The following LOC400499 variants were observed in gnomAD, a reference collection of about 807,000 sequenced individuals.
At chr16:11,416,621 T>C in the LOC400499 span, among the ~76,000 whole-genome samples, 12 of 152,264 alleles carry the variant, frequency 7.9e-5, no homozygotes, top group African/African-American at 2.4e-4. Flanking sequence ...GGTATTTGTA[T>C]GCTACACAGT....
the LOC400499 span, chr16:11,521,987 G>C: frequency 2.5e-6 from 1 of 399,374 alleles, no homozygotes; most frequent in Non-Finnish European, 4.4e-6. Context: ...AGCACATCAA[G>C]GACAGCCAAG....
chr16:11,408,234 C>T, the LOC400499 span, among the ~76,000 whole-genome samples: 24 of 152,220 alleles, frequency 1.6e-4, no homozygotes, highest in African/African-American at 3.4e-4. Flanking sequence ...CTGCCCACCT[C>T]GGCCTCCCAA....
At chr16:11,404,683 T>A in the LOC400499 span, 1 of 399,090 alleles carries the variant, frequency 2.5e-6, no homozygotes, top group East Asian at 3.6e-5. Context: ...CACCCCTGCC[T>A]GCAGCCCCTC....
the LOC400499 span, among the ~76,000 whole-genome samples, chr16:11,482,638 C>T: frequency 6.6e-6 from 1 of 152,054 alleles, no homozygotes; most frequent in Non-Finnish European, 1.5e-5. Context: ...CACCTGTAAT[C>T]CCAGCACTTT....
At chr16:11,411,247 T>C in the LOC400499 span, 1 of 399,352 alleles carries the variant, frequency 2.5e-6, no homozygotes, top group Non-Finnish European at 4.4e-6. Flanking sequence ...CACAGTTACC[T>C]TAGCTGAGGC....
At chr16:11,401,292 T>A in the LOC400499 span, 6 of 398,930 alleles carry the variant, frequency 1.5e-5, no homozygotes, top group African/African-American at 1.0e-4. Context: ...CCACCCCTGC[T>A]CTCAGCAAGG....
the LOC400499 span, chr16:11,424,092 G>A: frequency 7.5e-6 from 3 of 399,336 alleles, no homozygotes; most frequent in Non-Finnish European, 1.3e-5. Context: ...CCCGGGTGCA[G>A]CCCCCTCCTC....
At chr16:11,483,994 CTTTTTTTTTTTTTTTTTT>C in the LOC400499 span, among the ~76,000 whole-genome samples, 1 of 34,828 alleles carries the variant, frequency 2.9e-5, no homozygotes, top group South Asian at 1.8e-3. Flanking sequence ...GAGGAAGGGA[CTTTTTTTTTTTTTTTTTT>C]TTTTTTTTTT....
At chr16:11,444,181 G>A in the LOC400499 span, among the ~76,000 whole-genome samples, 8 of 152,134 alleles carry the variant, frequency 5.3e-5, no homozygotes, top group East Asian at 7.7e-4. Context: ...AGGATCCCCT[G>A]AATCCAAGAG....
the LOC400499 span, among the ~76,000 whole-genome samples, chr16:11,430,761 C>T: frequency 1.3e-5 from 2 of 152,186 alleles, no homozygotes; most frequent in Non-Finnish European, 2.9e-5. Context: ...ACTCTCCCTC[C>T]TGGAGATATA....
At chr16:11,423,952 C>CCT in the LOC400499 span, among the ~76,000 whole-genome samples, 1 of 152,234 alleles carries the variant, frequency 6.6e-6, no homozygotes, top group African/African-American at 2.4e-5. Flanking sequence ...CCTCTGCCTT[C>CCT]CTCTCCAGGG....
chr16:11,481,632 T>A, the LOC400499 span, among the ~76,000 whole-genome samples: 1 of 150,350 alleles, frequency 6.7e-6, no homozygotes, highest in South Asian at 2.1e-4. Context: ...CCTATTTTAT[T>A]TTTTATTTTT....
the LOC400499 span, among the ~76,000 whole-genome samples, chr16:11,495,527 C>T: frequency 6.6e-6 from 1 of 152,062 alleles, no homozygotes; most frequent in Non-Finnish European, 1.5e-5. Context: ...ATTACAGACA[C>T]GTGCCACCAC....
At chr16:11,424,409 GC>G in the LOC400499 span, 3 of 399,002 alleles carry the variant, frequency 7.5e-6, no homozygotes, top group Non-Finnish European at 1.3e-5. Context: ...CCAGTCCACC[GC>G]ATTTAGTCAG....
the LOC400499 span, chr16:11,384,877 C>T: frequency 2.4e-6 from 3 of 1,232,268 alleles, no homozygotes; most frequent in Non-Finnish European, 2.0e-6. Flanking sequence ...CCTCCTGGGG[C>T]CCAGACCCAC....
chr16:11,393,164 C>CCCCTTT, the LOC400499 span, among the ~76,000 whole-genome samples: 2 of 115,132 alleles, frequency 1.7e-5, no homozygotes, highest in African/African-American at 5.9e-5. Context: ...ACCCCCCCCC[C>CCCCTTT]TTTTTTTTAA....
At chr16:11,405,005 G>A in the LOC400499 span, 675 of 396,434 alleles carry the variant, frequency 1.7e-3, 1 homozygote, top group Non-Finnish European at 2.1e-3. Flanking sequence ...CATATGTCAG[G>A]GGATCAAAAA....
At chr16:11,384,289 T>TCATTGTCATTG in the LOC400499 span, 2 of 1,232,332 alleles carry the variant, frequency 1.6e-6, no homozygotes, top group Admixed American at 8.4e-5. Flanking sequence ...ATTGCCTGCT[T>TCATTGTCATTG]CATTGTCATT....
the LOC400499 span, among the ~76,000 whole-genome samples, chr16:11,391,064 G>A: frequency 2.0e-5 from 3 of 152,360 alleles, no homozygotes; most frequent in East Asian, 5.8e-4. Flanking sequence ...GCGGAGTCCT[G>A]GCGCATTCCT....
Sources: allele counts gnomAD v4.1 joint callset (sites outside exome capture counted in the v4.1 genomes callset), GRCh38; gene constraint gnomAD v4.1.1; transcripts MANE v1.5.